The following CNTN4 variants were observed in gnomAD, a reference collection of about 807,000 sequenced individuals.
The protein encoded by CNTN4 is contactin-4.
Under a neutral mutation model 122.5 loss-of-function variants are expected in CNTN4, and 77 were observed. The observed-to-expected ratio is 0.63, with a 90% confidence interval of 0.52 to 0.76. CNTN4 has a LOEUF of 0.76. Ranked by LOEUF, CNTN4 falls within the 30% of genes least tolerant of loss-of-function variation. CNTN4 has a pLI of 0.00. For synonymous variants in CNTN4, 512 were observed against 447.0 expected, an observed-to-expected ratio of 1.15 and a Z score of -1.83; for missense variants, 1,256 against 1,259.1, an observed-to-expected ratio of 1.00 and a Z score of 0.04.
intron 7 of CNTN4, among the ~76,000 whole-genome samples, chr3:2,861,090 T>G (rs139203286): frequency 2.0e-4 from 31 of 152,346 alleles, no homozygotes; most frequent in African/African-American, 7.5e-4. Context: ...TTAATATGTT[T>G]GGTGATCGGT....
chr3:2,570,797 C>T (rs758683529), intron 3 of CNTN4, among the ~76,000 whole-genome samples: 2 of 152,130 alleles, frequency 1.3e-5, no homozygotes, highest in Admixed American at 6.6e-5. Context: ...TATTAGTGTT[C>T]CTAATCATGT....
intron 2 of CNTN4, among the ~76,000 whole-genome samples, chr3:2,266,348 T>A (rs542931806): frequency 5.3e-5 from 8 of 152,266 alleles, no homozygotes; most frequent in African/African-American, 1.9e-4. Flanking sequence ...TCAAGTCATG[T>A]TTTGGATTTC....
At chr3:2,649,754 A>ATAC (rs2083281668) in intron 4 of CNTN4, among the ~76,000 whole-genome samples, 1 of 152,054 alleles carries the variant, frequency 6.6e-6, no homozygotes, top group Non-Finnish European at 1.5e-5. Flanking sequence ...TATAGCTGCC[A>ATAC]TACATAGTGA....
intron 2 of CNTN4, among the ~76,000 whole-genome samples, chr3:2,296,468 G>A (rs2042315897): frequency 7.0e-6 from 1 of 143,344 alleles, no homozygotes; most frequent in African/African-American, 2.7e-5. Context: ...AGTTACTAAA[G>A]AACATTGAAG....
intron 3 of CNTN4, among the ~76,000 whole-genome samples, chr3:2,436,190 C>G (rs1369887215): frequency 6.6e-6 from 1 of 152,054 alleles, no homozygotes; most frequent in Non-Finnish European, 1.5e-5. Context: ...TGAGTGCATA[C>G]CTATTATGAG....
chr3:2,988,285 T>A (rs1410402588), intron 13 of CNTN4, 60 bp from the exon 14 acceptor site: 1 of 1,510,126 alleles, frequency 6.6e-7, no homozygotes, highest in Admixed American at 1.7e-5. Flanking sequence ...ACAGAACTAA[T>A]TTGCAATAGG....
intron 2 of CNTN4, among the ~76,000 whole-genome samples, chr3:2,312,289 T>A (rs1274247146): frequency 2.6e-5 from 4 of 152,108 alleles, no homozygotes; most frequent in African/African-American, 9.7e-5. Flanking sequence ...TCTCCTTTTA[T>A]TAATGTTGTG....
chr3:2,257,029 C>T (rs1332021425), intron 2 of CNTN4, among the ~76,000 whole-genome samples: 1 of 152,016 alleles, frequency 6.6e-6, no homozygotes, highest in African/African-American at 2.4e-5. Flanking sequence ...GGCTACCTGA[C>T]TTCAAACTAT....
At chr3:2,443,420 C>T (rs902805494) in intron 3 of CNTN4, among the ~76,000 whole-genome samples, 1 of 152,096 alleles carries the variant, frequency 6.6e-6, no homozygotes, top group Non-Finnish European at 1.5e-5. Flanking sequence ...CTCACATGTG[C>T]CCATCCCTCC....
intron 2 of CNTN4, among the ~76,000 whole-genome samples, chr3:2,243,132 A>G (rs1391403437): frequency 6.6e-6 from 1 of 152,110 alleles, no homozygotes; most frequent in African/African-American, 2.4e-5. Context: ...CATGGAATGT[A>G]TTATTATCCT....
At chr3:2,987,724 G>A (rs1022879800) in intron 13 of CNTN4, among the ~76,000 whole-genome samples, 1 of 152,138 alleles carries the variant, frequency 6.6e-6, no homozygotes, top group African/African-American at 2.4e-5. Flanking sequence ...TTTCTTCCCT[G>A]CAGAAAGTAG....
At chr3:2,837,271 A>G (rs1425216714) in intron 7 of CNTN4, among the ~76,000 whole-genome samples, 3 of 152,186 alleles carry the variant, frequency 2.0e-5, no homozygotes, top group Admixed American at 6.5e-5. Context: ...TCCACCATAC[A>G]TGGACACATT....
chr3:2,631,199 G>T (rs2082414353), intron 4 of CNTN4, among the ~76,000 whole-genome samples: 1 of 152,148 alleles, frequency 6.6e-6, no homozygotes. Flanking sequence ...GCTTAAGGGG[G>T]AAAAAGGAAA....
At chr3:2,460,626 A>C (rs2049169091) in intron 3 of CNTN4, among the ~76,000 whole-genome samples, 2 of 152,100 alleles carry the variant, frequency 1.3e-5, no homozygotes, top group African/African-American at 4.8e-5. Context: ...GGTTTTCCCT[A>C]TCTTAAGTGA....
intron 4 of CNTN4, among the ~76,000 whole-genome samples, chr3:2,605,927 T>C (rs765404157): frequency 6.6e-6 from 1 of 152,104 alleles, no homozygotes; most frequent in Non-Finnish European, 1.5e-5. Flanking sequence ...GAAAATTTAA[T>C]CAAGGGGATG....
At chr3:2,488,427 A>G (rs906194804) in intron 3 of CNTN4, among the ~76,000 whole-genome samples, 3 of 152,086 alleles carry the variant, frequency 2.0e-5, no homozygotes, top group African/African-American at 7.2e-5. Context: ...TGGTGTGTCT[A>G]CATTGTTCCA....
intron 3 of CNTN4, among the ~76,000 whole-genome samples, chr3:2,532,310 G>A (rs1299230126): frequency 2.0e-5 from 3 of 152,054 alleles, no homozygotes; most frequent in African/African-American, 7.2e-5. Flanking sequence ...CTGGACTGCA[G>A]TGGTGCAATC....
intron 2 of CNTN4, among the ~76,000 whole-genome samples, chr3:2,272,289 A>G (rs942388653): frequency 6.6e-6 from 1 of 152,140 alleles, no homozygotes; most frequent in South Asian, 2.1e-4. Context: ...GGCCTTACTA[A>G]GATTTTTAAC....
intron 3 of CNTN4, among the ~76,000 whole-genome samples, chr3:2,398,860 C>G (rs1559518465): frequency 6.6e-6 from 1 of 152,028 alleles, no homozygotes; most frequent in Non-Finnish European, 1.5e-5. Flanking sequence ...TTCAGTTTTA[C>G]CAGAGATTTG....
Sources: gnomAD v4.1 joint callset for allele counts (sites outside exome capture counted in the v4.1 genomes callset) on GRCh38, gnomAD v4.1.1 for gene constraint, MANE v1.5 for transcripts, NCBI Gene and HGNC (gene_info 2026-07-23, HGNC 2026-07-21) for gene names.